FCHO1: variants seen among roughly 807,000 people sequenced by gnomAD.
The protein encoded by FCHO1 is F-BAR domain only protein 1.
FCHO1 carries 45 observed loss-of-function variants against 114.4 expected under a neutral mutation model. The ratio of observed to expected loss-of-function variants is 0.39; its 90% CI spans 0.31 to 0.50. FCHO1 has a LOEUF of 0.50. Among genes scored for constraint, FCHO1 ranks in the 20% least tolerant of loss-of-function variants. The pLI, the probability that FCHO1 is intolerant of heterozygous loss-of-function variation, is 0.77. For synonymous variants in FCHO1, 480 were observed against 488.9 expected (o/e 0.98, Z 0.24); for missense variants, 1,042 against 1,209.6 (o/e 0.86, Z 2.06).
intron 7 of FCHO1, among the ~76,000 whole-genome samples, chr19:17,768,722 AAGG>A (rs1196715601): frequency 1.4e-4 from 17 of 125,256 alleles, no homozygotes; most frequent in Admixed American, 8.2e-4. Context: ...AAAAAAAAAA[AAGG>A]AGAGAGAGAA....
intron 9 of FCHO1, among the ~76,000 whole-genome samples, chr19:17,771,481 A>C (rs1487446843): frequency 6.6e-6 from 1 of 151,432 alleles, no homozygotes; most frequent in African/African-American, 2.4e-5. Flanking sequence ...ATCCTGGCTA[A>C]CACGGTGAAA....
At chr19:17,768,537 C>T (rs1225096205) in intron 7 of FCHO1, among the ~76,000 whole-genome samples, 2 of 151,598 alleles carry the variant, frequency 1.3e-5, no homozygotes. Context: ...ACTAAAAACA[C>T]AAAAATTAGC....
chr19:17,772,186 G>T (rs897989601), intron 9 of FCHO1, among the ~76,000 whole-genome samples: 1 of 152,150 alleles, frequency 6.6e-6, no homozygotes, highest in African/African-American at 2.4e-5. Flanking sequence ...GTGTGTGTGT[G>T]TGTGTGCATG....
At chr19:17,781,627 TG>T in intron 22 of FCHO1, 84 bp from the exon 23 acceptor site, 1 of 1,556,558 alleles carries the variant, frequency 6.4e-7, no homozygotes, top group Non-Finnish European at 8.9e-7. Flanking sequence ...GGCAGAGGTG[TG>T]GTTGGGCGGA....
chr19:17,781,951 GC>G, intron 23 of FCHO1, 131 bp downstream of exon 23: 1 of 583,690 alleles, frequency 1.7e-6, no homozygotes, highest in Non-Finnish European at 2.9e-6. Flanking sequence ...AAGTGACCAG[GC>G]CCCTGTCCTG....
rs548941586 is a variant in FCHO1 at position 17,766,535 on chromosome 19, T to C, written c.195-134T>C. 2.6e-6 allele frequency: 3 copies of C among 1,162,736 alleles called. No individual in the cohort carries two copies. The South Asian group carries it at 4.5e-5, about 18-fold the overall frequency. The allele number at this position is 1,162,736 out of a possible 1,614,324, so 72.0% of individuals were successfully genotyped here. On this transcript the variant is annotated intron_variant, in intron 6 of 28. Coordinates refer to ENST00000596536, the MANE Select transcript of FCHO1 (RefSeq NM_015122.3). ...ACAGGCCCGCCTCTTACAGCTGCCA[T>C]GGAGATTATATGAATTAGTATTCAT... is the stretch of plus-strand genomic sequence containing the variant.
In FCHO1 at chr19:17,787,827, G is replaced by A; in HGVS notation, c.2628G>A (p.Val876=). ...LVGSGYRMSL[V]KRRFATGMYL... is the part of the protein sequence containing the mutation. ...GCAGCGGTTACCGCATGTCGCTGGT[G>A]AAGAGGAGGTTTGCCACAGGTACTC... The change falls in exon 28 of 29, where the codon GTG becomes GTA. Residue 876 remains valine (V), a synonymous_variant. Transcript: ENST00000596536. 1 of 1,613,456 alleles carries A rather than the reference G, an allele frequency of 6.2e-7. No homozygotes were observed. Among genetic ancestry groups the A allele is most frequent in the Non-Finnish European group, 8.5e-7 (1 of 1,179,822 alleles).
chr19:17,747,943 G>A (rs1248063672), upstream of FCHO1: 2 of 152,460 alleles, frequency 1.3e-5, no homozygotes, highest in African/African-American at 4.8e-5. Flanking sequence ...GGAGAGCAGG[G>A]GGTTGGGGCT....
Position 17,788,345 on chromosome 19 carries a change from T to G in FCHO1, c.*39T>G. ...GCTGCCCCAGCTCTACACTGCGCCCTGGTGCTGGCTGACCACCCCCTGCCC... is the reference window on the plus strand; with the variant it reads ...GCTGCCCCAGCTCTACACTGCGCCCGGGTGCTGGCTGACCACCCCCTGCCC... On this transcript the variant is annotated 3_prime_UTR_variant, in exon 29 of 29. Transcript: ENST00000596536. 1 of 1,399,070 alleles carries G rather than the reference T, an allele frequency of 7.1e-7. No individual in the cohort carries two copies. Among genetic ancestry groups the G allele is most frequent in the Non-Finnish European group, 9.6e-7 (1 of 1,044,652 alleles). 86.7% of individuals were successfully genotyped at this position (1,399,070 alleles called of 1,614,324 possible).
chr19:17,781,748 C>G lies in FCHO1; in HGVS notation c.1865C>G (p.Ser622Cys). ...SRGPSPVVLG[S>C]QDALPIATAF... ...GGTCCGAGCCCTGTGGTCCTGGGCT[C>G]CCAGGATGCCCTGCCCATAGCCACA... The change falls in exon 23 of 29, where the codon TCC (serine) becomes TGC (cysteine). Residue 622 changes from serine (S) to cysteine (C), a missense_variant. Physicochemically the swap from Ser to Cys is moderately radical, Grantham distance 112. Coordinates refer to ENST00000596536, the MANE Select transcript of FCHO1 (RefSeq NM_015122.3). 6.2e-7 allele frequency: 1 copy of G among 1,611,018 alleles called. No individual in the cohort carries two copies. Among genetic ancestry groups the G allele is most frequent in the Non-Finnish European group, 8.5e-7 (1 of 1,178,524 alleles).
In FCHO1 at chr19:17,775,926, G is replaced by A; in HGVS notation, c.1004-57G>A. On this transcript the variant is annotated intron_variant, in intron 15 of 28. Coordinates refer to ENST00000596536, the MANE Select transcript of FCHO1 (RefSeq NM_015122.3). This position sits in a 1 kb window ranked among gnomAD's most constrained non-coding sequence, Gnocchi z 5.1. Reference sequence around the variant, plus strand: ...CAGGGAGGGACGAGGCTGGATTGGAGAGCTGACTGGGGGAAAGCTTGTGTT... The same window carrying A: ...CAGGGAGGGACGAGGCTGGATTGGAAAGCTGACTGGGGGAAAGCTTGTGTT... 1 of 1,580,142 alleles carries A rather than the reference G, an allele frequency of 6.3e-7. No individual in the cohort carries two copies. The highest frequency in any genetic ancestry group is 1.1e-5 in the South Asian group (1 of 88,394).
Position 17,784,315 on chromosome 19 carries a change from C to T in FCHO1, c.2226+80C>T, listed in dbSNP as rs1466005551. 1.4e-5 allele frequency: 21 copies of T among 1,503,800 alleles called. No homozygotes were observed. The highest frequency in any genetic ancestry group is 1.0e-4 in the Admixed American group (5 of 48,634). 93.2% of individuals were successfully genotyped at this position (1,503,800 alleles called of 1,614,324 possible). On this transcript the variant is annotated intron_variant, in intron 25 of 28. Transcript: ENST00000596536. This position sits in a 1 kb window ranked among gnomAD's most constrained non-coding sequence, Gnocchi z 5.3. ...CCGGCAGCAGACATGGAGGCGCCTG[C>T]GTGTTGGCCAGGCTGGTCTCGAATT...
chr19:17,758,997 A>G (rs2084942319), intron 4 of FCHO1, among the ~76,000 whole-genome samples: 1 of 151,986 alleles, frequency 6.6e-6, no homozygotes, highest in Non-Finnish European at 1.5e-5. Context: ...TATGTATAAC[A>G]TTCAAGCTTC....
chr19:17,761,673 G>A (rs977744380), intron 4 of FCHO1, among the ~76,000 whole-genome samples: 3 of 139,712 alleles, frequency 2.1e-5, no homozygotes, highest in East Asian at 2.1e-4. Flanking sequence ...CTTCCCCCCC[G>A]CCCTGAGACG....
rs1251603465 is a variant in FCHO1, at chr19:17,755,126, T to C, written c.-39T>C. 21 of 1,612,042 alleles carry C rather than the reference T, an allele frequency of 1.3e-5. No homozygotes were observed. The highest frequency in any genetic ancestry group is 1.7e-5 in the Non-Finnish European group (20 of 1,178,274). ...CTTGCCTCTCTCTTCAGACAGGCAC[T>C]GGACGGGGCCTGCAGGGGTCTCCAC... On this transcript the variant is annotated 5_prime_UTR_variant, in exon 4 of 29. Coordinates refer to ENST00000596536, the MANE Select transcript of FCHO1 (RefSeq NM_015122.3).
At chr19:17,769,212 T>C (rs1217325804) in intron 7 of FCHO1, among the ~76,000 whole-genome samples, 1 of 133,036 alleles carries the variant, frequency 7.5e-6, no homozygotes, top group Non-Finnish European at 1.5e-5. Context: ...GAGGCGGAGG[T>C]TGCAGGGAGC....
chr19:17,787,922 G>A, intron 28 of FCHO1, 76 bp downstream of exon 28: 2 of 1,491,242 alleles, frequency 1.3e-6, no homozygotes, highest in South Asian at 1.3e-5. Context: ...TGTGGGGAGG[G>A]ATTGGGGTGT....
chr19:17,765,255 C>T (rs555218108), intron 6 of FCHO1, among the ~76,000 whole-genome samples: 81 of 152,092 alleles, frequency 5.3e-4, no homozygotes, highest in African/African-American at 1.8e-3. Context: ...AGTTGACAGG[C>T]GTGGCATGTT....
chr19:17,761,042 G>A (rs894507214), intron 4 of FCHO1, among the ~76,000 whole-genome samples: 2 of 152,126 alleles, frequency 1.3e-5, no homozygotes, highest in African/African-American at 4.8e-5. Flanking sequence ...CCCCCACCAT[G>A]ACAACCCCAG....
Sources: allele counts gnomAD v4.1 joint callset (sites outside exome capture counted in the v4.1 genomes callset), GRCh38; gene constraint gnomAD v4.1.1; non-coding constraint Gnocchi (gnomAD v3.1); transcripts MANE v1.5; gene names NCBI Gene and HGNC (gene_info 2026-07-23, HGNC 2026-07-21).